Variants in ECM2 observed in about 807,000 individuals in gnomAD.
ECM2 encodes the protein extracellular matrix protein 2, female organ and adipocyte specific.
Under a neutral mutation model 67.5 loss-of-function variants are expected in ECM2, and 57 were observed. That is an observed-to-expected ratio of 0.84 (90% CI 0.68 to 1.05). The LOEUF (loss-of-function observed/expected upper bound fraction) is 1.05, where lower values mean the gene tolerates loss of function less well. Among genes scored for constraint, ECM2 ranks in the 50% least tolerant of loss-of-function variants. ECM2 has a pLI of 0.00. For missense variants in ECM2, 741 were observed against 822.8 expected (o/e 0.90, Z 1.22); for synonymous variants, 258 against 294.5 (o/e 0.88, Z 1.27).
intron 2 of ECM2, among the ~76,000 whole-genome samples, chr9:92,518,293 C>G (rs537055489): frequency 9.9e-5 from 15 of 152,136 alleles, no homozygotes; most frequent in Admixed American, 6.5e-5. Context: ...CTGATCACTG[C>G]GGTAGTGGAA....
At chr9:92,501,257 T>G (rs1396742717) in intron 8 of ECM2, among the ~76,000 whole-genome samples, 1 of 152,162 alleles carries the variant, frequency 6.6e-6, no homozygotes, top group South Asian at 2.1e-4. Flanking sequence ...GGTGCCATAC[T>G]GCCTCCCAGC....
At position 92,500,824 on chromosome 9, in the gene ECM2, C is replaced by G; in HGVS notation, c.1834G>C (p.Glu612Gln). Residue 612 changes from glutamate to glutamine, a missense_variant, in exon 9 of 10, where the codon GAA (glutamate) becomes CAA (glutamine). Transcript: ENST00000344604. ...AAGTCATTGTGATCCAGAAATAATT[C>G]TCTCAGAGAATGATATGCCCCATAG... is the stretch of plus-strand genomic sequence containing the variant. Reference protein sequence around the residue: ...SFYGAYHSLRELFLDHNDLKS... With the variant: ...SFYGAYHSLRQLFLDHNDLKS... 1.9e-6 allele frequency: 3 copies of G among 1,614,162 alleles called. No individual in the cohort carries two copies. The highest frequency in any genetic ancestry group is 2.5e-6 in the Non-Finnish European group (3 of 1,180,038).
the ECM2 span, among the ~76,000 whole-genome samples, chr9:92,547,627 A>G: frequency 6.6e-6 from 1 of 152,254 alleles, no homozygotes; most frequent in Non-Finnish European, 1.5e-5. Flanking sequence ...CCATTGAGAA[A>G]GTACATTAGT....
intron 1 of ECM2, among the ~76,000 whole-genome samples, chr9:92,535,168 G>T (rs185803977): frequency 2.7e-5 from 4 of 146,328 alleles, no homozygotes; most frequent in African/African-American, 1.0e-4. Flanking sequence ...TAAACTTACA[G>T]AGCTATTTGA....
At chr9:92,501,427 G>C (rs1846669980) in intron 8 of ECM2, among the ~76,000 whole-genome samples, 1 of 152,218 alleles carries the variant, frequency 6.6e-6, no homozygotes, top group Non-Finnish European at 1.5e-5. Context: ...ATGCCTATCT[G>C]TAAAGTTGTC....
At chr9:92,513,492 A>G (rs1302717542) in intron 4 of ECM2, among the ~76,000 whole-genome samples, 1 of 152,234 alleles carries the variant, frequency 6.6e-6, no homozygotes, top group Non-Finnish European at 1.5e-5. Context: ...AAACATCTGT[A>G]CGTGGATATT....
Position 92,517,782 on chromosome 9 carries a change from C to A in ECM2, c.386G>T (p.Gly129Val). The A allele has an allele frequency of 6.2e-7, 1 of 1,614,212 alleles. No individual in the cohort carries two copies. Residue 129 changes from glycine to valine, a missense_variant, in exon 3 of 10, where the codon GGA becomes GTA. Physicochemically the swap from Gly to Val is moderately radical, Grantham distance 109. Transcript: ENST00000344604. ...EPCTTCLCSD[G>V]RVLCDETMCH... Reference sequence around the variant, plus strand: ...CATGGTTTCATCACAAAGAACTCTTCCATCTGAGCAGAGGCAGGTAGTGCA... The same window carrying A: ...CATGGTTTCATCACAAAGAACTCTTACATCTGAGCAGAGGCAGGTAGTGCA...
intron 1 of ECM2, among the ~76,000 whole-genome samples, chr9:92,533,328 A>AAAAAAAAAATATATATATAT (rs1554683138): frequency 1.3e-4 from 5 of 38,326 alleles, no homozygotes; most frequent in Non-Finnish European, 1.7e-4. Context: ...AAAAAAAAAA[A>AAAAAAAAAATATATATATAT]ATATATATAT....
At chr9:92,517,557 A>G in intron 3 of ECM2, 130 bp downstream of exon 3, 1 of 1,234,738 alleles carries the variant, frequency 8.1e-7, no homozygotes, top group East Asian at 2.3e-5. Flanking sequence ...GTTAATCAGC[A>G]TTTTGCCAAT....
rs564453041 is a variant in ECM2, at chr9:92,495,983, AAC to A, written c.*330_*331del. 2 of 992,916 alleles carry A rather than the reference AAC, an allele frequency of 2.0e-6. No individual in the cohort carries two copies. Among genetic ancestry groups the A allele is most frequent in the Non-Finnish European group, 2.4e-6 (2 of 835,272 alleles). The allele number at this position is 992,916 out of a possible 1,614,324, so 61.5% of individuals were successfully genotyped here. On this transcript the variant is annotated 3_prime_UTR_variant, in exon 10 of 10. Transcript: ENST00000344604. The stretch of plus-strand genomic sequence containing the variant: ...AAAGGGACTTACAGAGTTCTCAGCT[AAC>A]ACCAGTATTCAAGTTGATTATAAAG...
At chr9:92,532,723 T>A (rs538272272) in intron 1 of ECM2, among the ~76,000 whole-genome samples, 1 of 152,334 alleles carries the variant, frequency 6.6e-6, no homozygotes, top group East Asian at 1.9e-4. Context: ...AATTTTAATC[T>A]CATCTTTTAT....
chr9:92,522,527 T>A (rs1204031196), intron 2 of ECM2, 48 bp downstream of exon 2: 2 of 1,497,418 alleles, frequency 1.3e-6, no homozygotes. Context: ...CCATACCATC[T>A]CTCACCCTCC....
In ECM2 at chr9:92,522,872, A is replaced by AT. The variant is rs757724013; in HGVS notation, c.-7dup. On this transcript the variant is annotated 5_prime_UTR_variant, in exon 2 of 10. Transcript: ENST00000344604. ...AACAAAACTGCAATCTTCATGTTTGATTTTTTTCCACCAGCCAATTTCTAG... is the reference window on the plus strand; with the variant it reads ...AACAAAACTGCAATCTTCATGTTTGATTTTTTTTCCACCAGCCAATTTCTAG... 1.1e-5 allele frequency: 18 copies of AT among 1,586,080 alleles called. No individual in the cohort carries two copies. The highest frequency in any genetic ancestry group is 2.2e-5 in the East Asian group (1 of 44,668).
chr9:92,495,448 T>C lies in ECM2; in HGVS notation c.*867A>G. On this transcript the variant is annotated 3_prime_UTR_variant, in exon 10 of 10. Transcript: ENST00000344604. ...CAAAGGAGATAGATGCTATGACCAG[T>C]GGTGCAAAATTTTTCAAAAATTTAT... The C allele has an allele frequency of 1.0e-6, 1 of 985,280 alleles. No individual in the cohort carries two copies. The highest frequency in any genetic ancestry group is 1.2e-6 in the Non-Finnish European group (1 of 829,798). The allele number at this position is 985,280 out of a possible 1,614,324, so 61.0% of individuals were successfully genotyped here.
chr9:92,518,008 G>A, intron 2 of ECM2, 133 bp from the exon 3 acceptor site: 1 of 1,046,426 alleles, frequency 9.6e-7, no homozygotes, highest in Non-Finnish European at 1.4e-6. Context: ...TCATGTATAG[G>A]GTAAAGATGT....
chr9:92,498,578 AAAG>A (rs551683522), intron 9 of ECM2, among the ~76,000 whole-genome samples: 175 of 152,306 alleles, frequency 1.1e-3, no homozygotes, highest in Non-Finnish European at 1.9e-3. Context: ...TTCAAAAAGA[AAAG>A]AGCAATTTCT....
the ECM2 span, among the ~76,000 whole-genome samples, chr9:92,552,182 CTATCAT>C: frequency 9.2e-4 from 106 of 115,060 alleles, no homozygotes; most frequent in East Asian, 2.7e-3. Flanking sequence ...TATGATAGAT[CTATCAT>C]ATACACACAC....
the ECM2 span, among the ~76,000 whole-genome samples, chr9:92,549,656 A>C: frequency 6.9e-6 from 1 of 144,306 alleles, no homozygotes; most frequent in South Asian, 2.1e-4. Flanking sequence ...CAAAAAAAAA[A>C]AACAAAACAA....
At chr9:92,510,126 C>A in intron 5 of ECM2, 92 bp from the exon 6 acceptor site, 1 of 1,411,192 alleles carries the variant, frequency 7.1e-7, no homozygotes, top group Non-Finnish European at 9.5e-7. Flanking sequence ...GTCTCACAAA[C>A]CTATCCTTCC....
Sources: gnomAD v4.1 joint callset for allele counts (sites outside exome capture counted in the v4.1 genomes callset) on GRCh38, gnomAD v4.1.1 for gene constraint, MANE v1.5 for transcripts, NCBI Gene and HGNC (gene_info 2026-07-23, HGNC 2026-07-21) for gene names.